The following TNS1 variants were observed in gnomAD, a reference collection of about 807,000 sequenced individuals.
TNS1 encodes the protein tensin 1, also known as tensin-1.
A neutral mutation model predicts 168.6 loss-of-function variants in TNS1; 62 were observed. The observed-to-expected ratio is 0.37, with a 90% CI of 0.30 to 0.45. The LOEUF (loss-of-function observed/expected upper bound fraction) is 0.45. Among genes scored for constraint, TNS1 ranks in the 20% least tolerant of loss-of-function variants. The probability of loss-of-function intolerance (pLI) is 1.00; values close to 1 mark genes in which losing one functional copy is unlikely to be tolerated. For missense variants in TNS1, 2,240 were observed against 2,339.4 expected, an observed-to-expected ratio of 0.96 and a Z score of 0.88; for synonymous variants, 934 against 933.2, an observed-to-expected ratio of 1.00 and a Z score of -0.02.
At chr2:217,891,574 C>A (rs1255600112) in intron 11 of TNS1, among the ~76,000 whole-genome samples, 11 of 152,314 alleles carry the variant, frequency 7.2e-5, no homozygotes, top group Admixed American at 5.9e-4. Flanking sequence ...AGCCTCCTGG[C>A]AGGCCCTCCA....
intron 3 of TNS1, among the ~76,000 whole-genome samples, chr2:217,966,302 TGTGTGTGCGC>T (rs1316201496): frequency 0.01 from 1,455 of 140,816 alleles, 25 homozygotes; most frequent in African/African-American, 0.041. Context: ...TGTGTGTGTG[TGTGTGTGCGC>T]GCGCGCGCGT....
intron 32 of TNS1, among the ~76,000 whole-genome samples, chr2:217,805,473 CACCACACA>C (rs1938408544): frequency 1.7e-5 from 1 of 60,548 alleles, no homozygotes; most frequent in Admixed American, 1.5e-4. Context: ...CCACCACACA[CACCACACA>C]CACCACACAC....
intron 32 of TNS1, among the ~76,000 whole-genome samples, chr2:217,806,779 C>T (rs1438581889): frequency 6.6e-6 from 1 of 152,240 alleles, no homozygotes; most frequent in African/African-American, 2.4e-5. Flanking sequence ...TAGCCTCCTC[C>T]TGCCTCTGCT....
At chr2:217,827,931 C>A (rs2571436) in intron 22 of TNS1, among the ~76,000 whole-genome samples, 8,291 of 152,314 alleles carry the variant, frequency 0.054, 773 homozygotes, top group African/African-American at 0.19. Flanking sequence ...GGATAATCCA[C>A]CCCATGGCCC....
chr2:217,936,931 T>C (rs1458123908), intron 3 of TNS1: 2 of 456,702 alleles, frequency 4.4e-6, no homozygotes, highest in Non-Finnish European at 8.8e-6. Flanking sequence ...CAGACCCATG[T>C]AGCAGAGCTG....
upstream of TNS1, among the ~76,000 whole-genome samples, chr2:218,012,410 G>A (rs2106002071): frequency 6.6e-6 from 1 of 152,322 alleles, no homozygotes; most frequent in East Asian, 1.9e-4. Context: ...GAGTGAGCTG[G>A]TAGAAAGGGA....
intron 24 of TNS1, among the ~76,000 whole-genome samples, chr2:217,816,898 C>A (rs1343064746): frequency 6.6e-6 from 1 of 152,152 alleles, no homozygotes; most frequent in East Asian, 1.9e-4. Context: ...AAATCTGCCT[C>A]AAACATCCAG....
At chr2:217,964,393 G>C (rs1957572389) in intron 3 of TNS1, among the ~76,000 whole-genome samples, 3 of 151,916 alleles carry the variant, frequency 2.0e-5, no homozygotes, top group Non-Finnish European at 2.9e-5. Flanking sequence ...AGTCAGACTT[G>C]GCACTCAGCT....
intron 1 of TNS1, among the ~76,000 whole-genome samples, chr2:218,018,532 C>T (rs981733265): frequency 6.6e-6 from 1 of 152,232 alleles, no homozygotes; most frequent in Non-Finnish European, 1.5e-5. Flanking sequence ...GGAACGAGGC[C>T]GCTTCTCACG....
intron 2 of TNS1, among the ~76,000 whole-genome samples, chr2:217,984,163 A>G (rs1958130144): frequency 6.6e-6 from 1 of 152,078 alleles, no homozygotes; most frequent in Admixed American, 6.5e-5. Context: ...CAGCTCTACA[A>G]TCACGTGAGA....
rs1942910306 is a variant in TNS1 at position 217,821,856 on chromosome 2, A to T, written c.3456T>A (p.Ser1152Arg). 1 of 1,587,088 alleles carries T rather than the reference A, an allele frequency of 6.3e-7. No individual in the cohort carries two copies. Among genetic ancestry groups the T allele is most frequent in the East Asian group, 2.3e-5 (1 of 43,582 alleles). ...RAQDSEPKSF[S>R]APATQAYGHE... ...GGCCATAGGCCTGGGTGGCTGGAGC[A>T]CTAAAGCTCTTGGGCTCAGAGTCCT... Residue 1152 changes from serine (S) to arginine (R), a missense_variant, in exon 23 of 33, where the codon AGT becomes AGA. Physicochemically the swap from Ser to Arg is moderately radical, Grantham distance 110. Transcript: ENST00000682258.
chr2:217,824,816 T>A (rs990504595), intron 22 of TNS1, among the ~76,000 whole-genome samples: 1 of 151,808 alleles, frequency 6.6e-6, no homozygotes, highest in African/African-American at 2.4e-5. Flanking sequence ...TACACCCAGG[T>A]CCCCACGGCT....
intron 3 of TNS1, among the ~76,000 whole-genome samples, chr2:217,941,601 AT>A (rs1211669021): frequency 6.6e-6 from 1 of 152,086 alleles, no homozygotes; most frequent in Non-Finnish European, 1.5e-5. Flanking sequence ...CTGATCCCCC[AT>A]TCTGGTGTCA....
At chr2:217,875,672 A>C (rs1426865666) in intron 18 of TNS1, among the ~76,000 whole-genome samples, 3 of 152,136 alleles carry the variant, frequency 2.0e-5, no homozygotes, top group Admixed American at 6.5e-5. Flanking sequence ...TTCAAAAAAA[A>C]AGTATCACAG....
chr2:217,869,722 A>G (rs183378906), intron 18 of TNS1, among the ~76,000 whole-genome samples: 137 of 152,274 alleles, frequency 9.0e-4, no homozygotes, highest in South Asian at 7.3e-3. Context: ...TGCTTTGAAA[A>G]ACTGAAAGCA....
intron 3 of TNS1, among the ~76,000 whole-genome samples, chr2:217,924,312 T>TCA (rs1955893552): frequency 6.6e-6 from 1 of 151,472 alleles, no homozygotes; most frequent in Admixed American, 6.6e-5. Flanking sequence ...TCTCTCTCTC[T>TCA]CTCACACACA....
chr2:217,939,270 T>C (rs1956789204), intron 3 of TNS1, among the ~76,000 whole-genome samples: 1 of 152,210 alleles, frequency 6.6e-6, no homozygotes. Flanking sequence ...CCCAGCAGTC[T>C]GGCACCAGAC....
chr2:218,006,833 C>A (rs535824628), upstream of TNS1, among the ~76,000 whole-genome samples: 44 of 151,984 alleles, frequency 2.9e-4, no homozygotes, highest in African/African-American at 1.0e-3. Flanking sequence ...TAAAAAAAAA[C>A]CACTCTGAAG....
intron 9 of TNS1, 129 bp from the exon 10 acceptor site, chr2:217,893,690 G>A: frequency 7.4e-7 from 1 of 1,347,830 alleles, no homozygotes; most frequent in East Asian, 2.3e-5. Context: ...GCCAGGACTT[G>A]GTTCCTCCCT....
Sources: gnomAD v4.1 joint callset for allele counts (sites outside exome capture counted in the v4.1 genomes callset) on GRCh38, gnomAD v4.1.1 for gene constraint, MANE v1.5 for transcripts, NCBI Gene and HGNC (gene_info 2026-07-23, HGNC 2026-07-21) for gene names.